Variants in ITGB8 observed in about 807,000 individuals in gnomAD.
ITGB8 encodes integrin beta-8.
A neutral mutation model predicts 89.5 loss-of-function variants in ITGB8; 30 were observed. The observed-to-expected ratio is 0.34, with a 90% CI of 0.25 to 0.45. ITGB8 has a LOEUF of 0.45. Among genes scored for constraint, ITGB8 ranks in the 20% least tolerant of loss-of-function variants. The pLI, the probability that ITGB8 is intolerant of heterozygous loss-of-function variation, is 1.00. For missense variants in ITGB8, 836 were observed against 933.3 expected (o/e 0.90, Z 1.36); for synonymous variants, 335 against 320.4 (o/e 1.05, Z -0.49).
intron 12 of ITGB8, among the ~76,000 whole-genome samples, chr7:20,406,388 T>C (rs902649112): frequency 1.3e-5 from 2 of 152,070 alleles, no homozygotes; most frequent in Non-Finnish European, 2.9e-5. Flanking sequence ...CCGTCTCTAC[T>C]AAAAATACAA....
At chr7:20,347,717 T>C (rs1253526615) in intron 1 of ITGB8, among the ~76,000 whole-genome samples, 1 of 152,172 alleles carries the variant, frequency 6.6e-6, no homozygotes, top group Non-Finnish European at 1.5e-5. Context: ...AAGCAGATTG[T>C]TGAAAGTTCA....
intron 3 of ITGB8, among the ~76,000 whole-genome samples, chr7:20,376,809 A>G (rs995887173): frequency 1.3e-5 from 2 of 152,208 alleles, no homozygotes; most frequent in Non-Finnish European, 2.9e-5. Context: ...AGCGATTACT[A>G]AAAGGCCTGT....
intron 1 of ITGB8, among the ~76,000 whole-genome samples, chr7:20,334,461 T>C (rs148317459): frequency 3.9e-5 from 6 of 152,308 alleles, no homozygotes; most frequent in African/African-American, 1.2e-4. Context: ...GTAACTATTA[T>C]TGCAATCAAA....
intron 8 of ITGB8, among the ~76,000 whole-genome samples, chr7:20,398,033 C>T (rs765940104): frequency 3.3e-5 from 5 of 151,624 alleles, no homozygotes. Context: ...AAAATGCACA[C>T]AGATCTGAAG....
In ITGB8 at chr7:20,341,102, C is replaced by T. The variant is rs565552348; in HGVS notation, c.127+9169C>T. Among the ~76,000 whole-genome samples the T allele has an allele frequency of 3.9e-4, 60 of 152,284 alleles. 1 individual carries two copies. Among genetic ancestry groups the T allele is most frequent in the African/African-American group, 1.4e-3 (59 of 41,566 alleles). ...GTTGGAAACAAAGACACTATTGTAG[C>T]AGAACTGCATTGTTGGCAGCAAAAT... On this transcript the variant is annotated intron_variant, in intron 1 of 13. Transcript: ENST00000222573.
intron 8 of ITGB8, among the ~76,000 whole-genome samples, chr7:20,397,712 T>C (rs969356605): frequency 3.9e-5 from 6 of 152,216 alleles, no homozygotes; most frequent in Non-Finnish European, 7.3e-5. Context: ...CTGGAAGACA[T>C]AGTCTTACCT....
chr7:20,359,913 G>A (rs1443975473), intron 1 of ITGB8, among the ~76,000 whole-genome samples: 16 of 152,130 alleles, frequency 1.1e-4, no homozygotes, highest in Non-Finnish European at 2.4e-4. Flanking sequence ...CAGAAATAAT[G>A]TTTGACACTC....
Position 20,413,539 on chromosome 7 carries a change from T to C in ITGB8, c.*3542T>C, listed in dbSNP as rs1272342470. 6.6e-6 allele frequency: 1 copy of C among 152,406 alleles called. No homozygotes were observed. The highest frequency in any genetic ancestry group is 2.4e-5 in the African/African-American group (1 of 41,460). The allele number at this position is 152,406 out of a possible 1,614,324, so 9.4% of individuals were successfully genotyped here. A position where few individuals can be genotyped will look rare whatever the true frequency, so the allele number is the denominator to read the frequency against. ...TTTTTCTTCCTTTTCTTACTCCTGT[T>C]TTTTCCACTCACTCTTCCCAAGAGA... On this transcript the variant is annotated 3_prime_UTR_variant, in exon 14 of 14. Coordinates refer to ENST00000222573, the MANE Select transcript of ITGB8 (RefSeq NM_002214.3).
At chr7:20,349,760 T>A (rs1785050186) in intron 1 of ITGB8, among the ~76,000 whole-genome samples, 1 of 152,238 alleles carries the variant, frequency 6.6e-6, no homozygotes, top group South Asian at 2.1e-4. Context: ...AATGTTTTGC[T>A]ATACACTGGC....
chr7:20,394,718 A>G (rs1786999962), intron 7 of ITGB8, among the ~76,000 whole-genome samples, 178 bp from the exon 8 acceptor site: 1 of 152,084 alleles, frequency 6.6e-6, no homozygotes, highest in African/African-American at 2.4e-5. Context: ...CAACCACTAC[A>G]TGGGTATATG....
At chr7:20,349,937 G>C (rs192136664) in intron 1 of ITGB8, among the ~76,000 whole-genome samples, 1 of 152,196 alleles carries the variant, frequency 6.6e-6, no homozygotes, top group African/African-American at 2.4e-5. Context: ...CAGATGTATA[G>C]ACCTCTGAAG....
In ITGB8 at chr7:20,410,151, A is replaced by G; in HGVS notation, c.*154A>G. On this transcript the variant is annotated 3_prime_UTR_variant, in exon 14 of 14. Coordinates refer to ENST00000222573, the MANE Select transcript of ITGB8 (RefSeq NM_002214.3). ...ACGAAGACTGACAAGTATCCTCATC[A>G]TGATGTGACTCACATAGCTGCTGAC... 1 of 703,434 alleles carries G rather than the reference A, an allele frequency of 1.4e-6. No individual in the cohort carries two copies. Among genetic ancestry groups the G allele is most frequent in the Non-Finnish European group, 2.4e-6 (1 of 421,440 alleles). The allele number at this position is 703,434 out of a possible 1,614,324, so 43.6% of individuals were successfully genotyped here. A position where few individuals can be genotyped will look rare whatever the true frequency, so the allele number is the denominator to read the frequency against.
At chr7:20,383,125 T>C (rs1786469255) in intron 6 of ITGB8, among the ~76,000 whole-genome samples, 1 of 152,206 alleles carries the variant, frequency 6.6e-6, no homozygotes, top group African/African-American at 2.4e-5. Context: ...ATTTGTGTGG[T>C]TCCCATGGGT....
intron 12 of ITGB8, among the ~76,000 whole-genome samples, chr7:20,409,053 T>C (rs939009160): frequency 6.6e-6 from 1 of 152,174 alleles, no homozygotes; most frequent in Admixed American, 6.5e-5. Context: ...GAATGAAAAT[T>C]TACACTTCAA....
intron 1 of ITGB8, among the ~76,000 whole-genome samples, chr7:20,361,208 C>T (rs1785490712): frequency 6.6e-6 from 1 of 152,124 alleles, no homozygotes; most frequent in Non-Finnish European, 1.5e-5. Context: ...GCAGTCTTAA[C>T]TGCCAACACA....
intron 10 of ITGB8, among the ~76,000 whole-genome samples, chr7:20,402,358 A>G (rs1787349268): frequency 6.6e-6 from 1 of 152,190 alleles, no homozygotes; most frequent in Admixed American, 6.5e-5. Context: ...AAAACCTAAA[A>G]TTAATTGTTA....
At chr7:20,379,411 A>C in intron 4 of ITGB8, 114 bp downstream of exon 4, 1 of 650,674 alleles carries the variant, frequency 1.5e-6, no homozygotes, top group Non-Finnish European at 2.2e-6. Flanking sequence ...TAAAATAAGA[A>C]TAAAAATATT....
At chr7:20,359,139 T>A (rs1383002302) in intron 1 of ITGB8, among the ~76,000 whole-genome samples, 1 of 152,222 alleles carries the variant, frequency 6.6e-6, no homozygotes, top group East Asian at 1.9e-4. Context: ...TGATTCCATG[T>A]CTTTGCTATC....
Position 20,414,978 on chromosome 7 carries a change from C to A in ITGB8, c.*4981C>A, listed in dbSNP as rs976533310. 9.7e-6 allele frequency: 1 copy of A among 102,596 alleles called. No individual in the cohort carries two copies. Among genetic ancestry groups the A allele is most frequent in the African/African-American group, 3.7e-5 (1 of 27,158 alleles). 6.4% of individuals were successfully genotyped at this position (102,596 alleles called of 1,614,324 possible). On this transcript the variant is annotated 3_prime_UTR_variant, in exon 14 of 14. Transcript: ENST00000222573. Reference sequence around the variant, plus strand: ...CTACTTCAGTTAAAATTGTCTAATACAGCAATATTTAAAAAAAAAACACTG... The same window carrying A: ...CTACTTCAGTTAAAATTGTCTAATAAAGCAATATTTAAAAAAAAAACACTG...
Sources: gnomAD v4.1 joint callset for allele counts (sites outside exome capture counted in the v4.1 genomes callset) on GRCh38, gnomAD v4.1.1 for gene constraint, MANE v1.5 for transcripts, NCBI Gene and HGNC (gene_info 2026-07-23, HGNC 2026-07-21) for gene names.